SMG1: variants seen among roughly 807,000 people sequenced by gnomAD.
SMG1 encodes the protein SMG1 nonsense mediated mRNA decay associated PI3K related kinase.
In SMG1, 22 loss-of-function variants were observed where a neutral mutation model predicts 419.9. That is an observed-to-expected ratio of 0.05 (90% CI 0.04 to 0.07). The LOEUF is 0.07. Among genes scored for constraint, SMG1 ranks in the 10% least tolerant of loss-of-function variants. SMG1 has a pLI of 1.00. For synonymous variants in SMG1, 1,538 were observed against 1,553.5 expected, an observed-to-expected ratio of 0.99 and a Z score of 0.23; for missense variants, 3,185 against 4,342.0, an observed-to-expected ratio of 0.73 and a Z score of 7.49.
chr16:18,851,962 A>G (rs2034627910), intron 33 of SMG1, 105 bp downstream of exon 33: 12 of 1,194,754 alleles, frequency 1.0e-5, no homozygotes, highest in Non-Finnish European at 1.2e-5. Context: ...TTACAACAAC[A>G]ATTGGTAAGC....
intron 1 of SMG1, among the ~76,000 whole-genome samples, chr16:18,905,460 A>G (rs937567700): frequency 6.6e-6 from 1 of 152,112 alleles, no homozygotes; most frequent in Non-Finnish European, 1.5e-5. Context: ...CTGCCACTCA[A>G]GACCTTCTTG....
intron 1 of SMG1, among the ~76,000 whole-genome samples, chr16:18,916,763 C>T (rs2037999094): frequency 6.6e-6 from 1 of 151,958 alleles, no homozygotes; most frequent in Non-Finnish European, 1.5e-5. Context: ...TGAAAAACTT[C>T]AAGATAGTCA....
intron 2 of SMG1, 135 bp from the exon 3 acceptor site, chr16:18,896,342 T>G: frequency 1.3e-6 from 1 of 754,062 alleles, no homozygotes; most frequent in Non-Finnish European, 2.3e-6. Context: ...TCCTGTACTG[T>G]CTGCCTTGAA....
At chr16:18,869,475 T>G (rs1044782830) in intron 19 of SMG1, among the ~76,000 whole-genome samples, 172 bp from the exon 20 acceptor site, 2 of 152,232 alleles carry the variant, frequency 1.3e-5, no homozygotes, top group East Asian at 3.8e-4. Flanking sequence ...AGGTCTTTTA[T>G]AGTTAACAGG....
At chr16:18,814,094 A>G (rs1209640794) in intron 60 of SMG1, among the ~76,000 whole-genome samples, 2 of 150,036 alleles carry the variant, frequency 1.3e-5, no homozygotes, top group Admixed American at 6.6e-5. Context: ...TAAATAAGAA[A>G]ATAAAAAATA....
chr16:18,843,540 A>C (rs1307976424), intron 39 of SMG1, among the ~76,000 whole-genome samples: 2 of 152,218 alleles, frequency 1.3e-5, no homozygotes, highest in African/African-American at 4.8e-5. Context: ...AAAAAGAAAA[A>C]AACCAATTGG....
In SMG1 at chr16:18,898,377, T is replaced by C. The variant is rs182961665; in HGVS notation, c.93-1421A>G. On this transcript the variant is annotated intron_variant, in intron 1 of 62. Coordinates refer to ENST00000446231, the MANE Select transcript of SMG1 (RefSeq NM_015092.5). ...TCATTTATTCATAAAGCTAAGTACT[T>C]AGAACATAAGGGAAAATAAAATCTA... is the stretch of plus-strand genomic sequence containing the variant. Among the ~76,000 whole-genome samples the C allele has an allele frequency of 4.8e-3, 736 of 152,294 alleles. 4 individuals carry two copies. Among genetic ancestry groups the C allele is most frequent in the Non-Finnish European group, 7.7e-3 (525 of 68,002 alleles).
In SMG1 at chr16:18,869,224, G is replaced by T; in HGVS notation, c.2713C>A (p.Leu905Ile). The change falls in exon 20 of 63, where the codon CTC becomes ATC. Residue 905 changes from leucine (L) to isoleucine (I), a missense_variant. Transcript: ENST00000446231. ...KRDQSTIPRNLLKTDAVLWQW... is the reference protein window; with the variant it reads ...KRDQSTIPRNILKTDAVLWQW... Reference sequence around the variant, plus strand: ...CAAAGGACAGCATCTGTCTTCAGGAGATTGCGTGGAATTGTTGACTGGTCA... The same window carrying T: ...CAAAGGACAGCATCTGTCTTCAGGATATTGCGTGGAATTGTTGACTGGTCA... The T allele has an allele frequency of 6.2e-7, 1 of 1,611,736 alleles. No homozygotes were observed. Among genetic ancestry groups the T allele is most frequent in the Non-Finnish European group, 8.5e-7 (1 of 1,179,620 alleles).
In SMG1 at chr16:18,812,607, T is replaced by C. The variant is rs112727230; in HGVS notation, c.10622-480A>G. Among the ~76,000 whole-genome samples, 1,391 of 139,912 alleles carry C rather than the reference T, an allele frequency of 9.9e-3. 27 individuals carry two copies. Among genetic ancestry groups the C allele is most frequent in the African/African-American group, 0.034 (1,296 of 38,276 alleles). 91.8% of individuals were successfully genotyped at this position (139,912 alleles called of 152,430 possible). A position where few individuals can be genotyped will look rare whatever the true frequency, so the allele number is the denominator to read the frequency against. On this transcript the variant is annotated intron_variant, in intron 60 of 62. Transcript: ENST00000446231. ...ATATATACATATATATACACATATA[T>C]ATACATACACACATATATATACACA...
At chr16:18,886,935 CAT>C (rs1354943688) in intron 6 of SMG1, among the ~76,000 whole-genome samples, 1 of 152,108 alleles carries the variant, frequency 6.6e-6, no homozygotes, top group African/African-American at 2.4e-5. Flanking sequence ...ATATAGAACA[CAT>C]ATGTAATAAA....
rs2030914868 is a variant in SMG1 at position 18,807,182 on chromosome 16, T to C, written c.*2387A>G. 6.6e-6 allele frequency: 1 copy of C among 152,238 alleles called. No individual in the cohort carries two copies. Among genetic ancestry groups the C allele is most frequent in the African/African-American group, 2.4e-5 (1 of 41,454 alleles). The allele number at this position is 152,238 out of a possible 1,614,324, so 9.4% of individuals were successfully genotyped here. A position where few individuals can be genotyped will look rare whatever the true frequency, so the allele number is the denominator to read the frequency against. On this transcript the variant is annotated 3_prime_UTR_variant, in exon 63 of 63. Transcript: ENST00000446231. ...GAAAACACAGGCAATAAAATTCACC[T>C]ATTTATCTTCTTTACCAAAGAGAAA...
intron 29 of SMG1, chr16:18,857,671 A>G (rs1280241969): frequency 6.6e-6 from 1 of 152,238 alleles, no homozygotes; most frequent in Admixed American, 6.5e-5. Context: ...AAAGACTTGC[A>G]CATGAATGTT....
At chr16:18,925,782 C>T in intron 1 of SMG1, 168 bp downstream of exon 1, 1 of 498,806 alleles carries the variant, frequency 2.0e-6, no homozygotes, top group South Asian at 3.1e-5. Context: ...GGCCTCGCCT[C>T]CCCGCGGCCT....
intron 62 of SMG1, among the ~76,000 whole-genome samples, chr16:18,810,777 A>G (rs2031314485): frequency 6.6e-6 from 1 of 152,226 alleles, no homozygotes; most frequent in Non-Finnish European, 1.5e-5. Context: ...GTTGACAATT[A>G]TGTAGTAGCT....
In SMG1 at chr16:18,838,051, G is replaced by A; in HGVS notation, c.7376C>T (p.Thr2459Ile). Residue 2459 changes from threonine to isoleucine, a missense_variant, in exon 45 of 63, where the codon ACC becomes ATC. Physicochemically the swap from Thr to Ile is moderately conservative, Grantham distance 89. Transcript: ENST00000446231. ...QSKREMEREI[T>I]RSLFSSRVAE... ...TACTCTAGAAGAAAACAGGCTGCGGGTGATCTCTCGCTCCATCTCTCTCTT... is the reference window on the plus strand; with the variant it reads ...TACTCTAGAAGAAAACAGGCTGCGGATGATCTCTCGCTCCATCTCTCTCTT... 6.2e-7 allele frequency: 1 copy of A among 1,613,946 alleles called. No individual in the cohort carries two copies. Among genetic ancestry groups the A allele is most frequent in the Non-Finnish European group, 8.5e-7 (1 of 1,179,888 alleles).
intron 33 of SMG1, 69 bp downstream of exon 33, chr16:18,851,998 T>C: frequency 6.7e-7 from 1 of 1,489,032 alleles, no homozygotes; most frequent in South Asian, 1.4e-5. Context: ...ATCAAATATA[T>C]ATGATCAATT....
At chr16:18,923,405 G>A (rs1437950210) in intron 1 of SMG1, among the ~76,000 whole-genome samples, 1 of 152,176 alleles carries the variant, frequency 6.6e-6, no homozygotes, top group Non-Finnish European at 1.5e-5. Flanking sequence ...AGCACTTCGG[G>A]AGGCCAAAGC....
At chr16:18,874,252 A>T (rs2035982537) in intron 13 of SMG1, among the ~76,000 whole-genome samples, 1 of 151,736 alleles carries the variant, frequency 6.6e-6, no homozygotes, top group Non-Finnish European at 1.5e-5. Context: ...AATTCTCCCA[A>T]CTTAGCCTCC....
chr16:18,827,692 CTAAATATATATTTTATATATATA>C, intron 55 of SMG1, among the ~76,000 whole-genome samples: 1 of 139,958 alleles, frequency 7.1e-6, no homozygotes, highest in African/African-American at 2.7e-5. Flanking sequence ...ATAAATATAT[CTAAATATATATTTTATATATATA>C]TTTGGTATAA....
Sources: gnomAD v4.1 joint callset for allele counts (sites outside exome capture counted in the v4.1 genomes callset) on GRCh38, gnomAD v4.1.1 for gene constraint, MANE v1.5 for transcripts, NCBI Gene and HGNC (gene_info 2026-07-23, HGNC 2026-07-21) for gene names.